Variants in ZCWPW2 observed in about 807,000 individuals in gnomAD.
The protein encoded by ZCWPW2 is zinc finger CW-type and PWWP domain containing 2.
In ZCWPW2, 45 loss-of-function variants were observed where a neutral mutation model predicts 46.6. The observed-to-expected ratio is 0.96, with a 90% CI of 0.76 to 1.24. The LOEUF is 1.24. Ranked by LOEUF, ZCWPW2 falls within the 50% of genes most tolerant of loss-of-function variation. ZCWPW2 has a pLI of 0.00. For synonymous variants in ZCWPW2, 152 were observed against 137.1 expected, an observed-to-expected ratio of 1.11 and a Z score of -0.76; for missense variants, 429 against 403.9, an observed-to-expected ratio of 1.06 and a Z score of -0.53.
chr3:28,455,366 C>CAT (rs1360662663), intron 4 of ZCWPW2, among the ~76,000 whole-genome samples: 20 of 152,204 alleles, frequency 1.3e-4, no homozygotes, highest in African/African-American at 4.8e-4. Context: ...TTTAAGTTCT[C>CAT]ATAGATGGTG....
rs183951937 is a variant in ZCWPW2, at chr3:28,403,171, C to A, written c.-13-9885C>A. Reference sequence around the variant, plus strand: ...ACCCTAAAGACTTCTCCAGAAAGTTCCTAGAACTGATAAAATAACTCAGCT... The same window carrying A: ...ACCCTAAAGACTTCTCCAGAAAGTTACTAGAACTGATAAAATAACTCAGCT... On this transcript the variant is annotated intron_variant, in intron 2 of 9. Coordinates refer to ENST00000383768, the MANE Select transcript of ZCWPW2 (RefSeq NM_001040432.4). Among the ~76,000 whole-genome samples, 4 of 152,192 alleles carry A rather than the reference C, an allele frequency of 2.6e-5. No homozygotes were observed. The East Asian group carries it at 7.7e-4, about 29-fold the overall frequency.
At chr3:28,412,076 A>G (rs1038081998) in intron 2 of ZCWPW2, among the ~76,000 whole-genome samples, 22 of 152,046 alleles carry the variant, frequency 1.4e-4, no homozygotes, top group Non-Finnish European at 1.0e-4. Context: ...TTCTAAATAT[A>G]TGATTAACTT....
At position 28,472,634 on chromosome 3, in the gene ZCWPW2, G is replaced by C. The variant is rs185729884; in HGVS notation, c.493-6180G>C. 2.6e-5 allele frequency among the ~76,000 whole-genome samples: 4 copies of C among 152,122 alleles called. No individual in the cohort carries two copies. The East Asian group carries it at 7.7e-4, about 29-fold the overall frequency. ...ATGAAACTACTACAAGAAAACTTTG[G>C]GGAAACTCACCAGGACATCAGTCTT... On this transcript the variant is annotated intron_variant, in intron 4 of 9. Coordinates refer to ENST00000383768, the MANE Select transcript of ZCWPW2 (RefSeq NM_001040432.4).
intron 1 of ZCWPW2, among the ~76,000 whole-genome samples, chr3:28,369,452 C>T (rs528131824): frequency 2.6e-5 from 4 of 152,272 alleles, no homozygotes; most frequent in Admixed American, 6.5e-5. Context: ...GTATCAGCAG[C>T]GGAGGCTGCA....
rs1416845125 is a variant in ZCWPW2, at chr3:28,429,682, C to T, written c.333-5428C>T. Among the ~76,000 whole-genome samples the T allele has an allele frequency of 3.3e-5, 5 of 152,238 alleles. No homozygotes were observed. The East Asian group carries it at 9.7e-4, about 30-fold the overall frequency. ...GCCCTTCACTTCACAGGCCCACAGGCCTAGGAGGAAATAATGGTTTCACGG... is the reference window on the plus strand; with the variant it reads ...GCCCTTCACTTCACAGGCCCACAGGTCTAGGAGGAAATAATGGTTTCACGG... On this transcript the variant is annotated intron_variant, in intron 3 of 9. Coordinates refer to ENST00000383768, the MANE Select transcript of ZCWPW2 (RefSeq NM_001040432.4).
chr3:28,360,609 A>G (rs1219813137), intron 1 of ZCWPW2, among the ~76,000 whole-genome samples: 1 of 152,094 alleles, frequency 6.6e-6, no homozygotes, highest in Non-Finnish European at 1.5e-5. Context: ...CCAAGGGGCA[A>G]ATCTAAAAGT....
In ZCWPW2 at chr3:28,451,903, C is replaced by T. The variant is rs148516216; in HGVS notation, c.492+16634C>T. Among the ~76,000 whole-genome samples the T allele has an allele frequency of 1.6e-3, 244 of 152,270 alleles. 3 individuals carry two copies. Among genetic ancestry groups the T allele is most frequent in the Non-Finnish European group, 2.1e-4 (14 of 68,022 alleles). On this transcript the variant is annotated intron_variant, in intron 4 of 9. Transcript: ENST00000383768. ...GTTCCTACTATCAAATAATCTTGTA[C>T]AGCTACCAAATTCTCAGCAAAATTT...
At chr3:28,368,979 G>T (rs1256178638) in intron 1 of ZCWPW2, among the ~76,000 whole-genome samples, 2 of 152,064 alleles carry the variant, frequency 1.3e-5, no homozygotes, top group East Asian at 1.9e-4. Flanking sequence ...CATTCATCAC[G>T]TAGTTCTCGT....
chr3:28,446,185 A>T (rs1038806308), intron 4 of ZCWPW2, among the ~76,000 whole-genome samples: 4 of 152,108 alleles, frequency 2.6e-5, no homozygotes, highest in African/African-American at 9.7e-5. Flanking sequence ...TTTAACAGGC[A>T]TGTACAAAAC....
rs548597366 is a variant in ZCWPW2, at chr3:28,442,914, T to A, written c.492+7645T>A. Among the ~76,000 whole-genome samples, 7 of 152,316 alleles carry A rather than the reference T, an allele frequency of 4.6e-5. No individual in the cohort carries two copies. The South Asian group carries it at 1.0e-3, about 23-fold the overall frequency. On this transcript the variant is annotated intron_variant, in intron 4 of 9. Transcript: ENST00000383768. The stretch of plus-strand genomic sequence containing the variant: ...ATGTGATATTGTTTTTCATTTACTA[T>A]TTCTCTAGGTAGAGGCAGCTCTAAT...
chr3:28,453,303 C>CT (rs1201808491), intron 4 of ZCWPW2, among the ~76,000 whole-genome samples: 33 of 152,314 alleles, frequency 2.2e-4, no homozygotes, highest in Admixed American at 2.2e-3. Context: ...GAATTCACCT[C>CT]TATCATCTCT....
chr3:28,352,008 C>T (rs1395997723), intron 1 of ZCWPW2, among the ~76,000 whole-genome samples: 1 of 151,942 alleles, frequency 6.6e-6, no homozygotes, highest in African/African-American at 2.4e-5. Context: ...AGAATACTAC[C>T]CAAAATAAAA....
At chr3:28,435,943 AT>A (rs1279334335) in intron 4 of ZCWPW2, among the ~76,000 whole-genome samples, 3 of 152,322 alleles carry the variant, frequency 2.0e-5, no homozygotes, top group African/African-American at 4.8e-5. Context: ...GGAAAACTTA[AT>A]TATGGATTGC....
rs550677716 is a variant in ZCWPW2 at position 28,376,520 on chromosome 3, T to C, written c.-133-13978T>C. Among the ~76,000 whole-genome samples the C allele has an allele frequency of 4.6e-5, 7 of 152,238 alleles. No individual in the cohort carries two copies. In the South Asian group the frequency reaches 1.4e-3, roughly 32 times the overall value. ...TCGCGGTTTGTCTCTGTACTCAATT[T>C]TCCTAGCACACTATGTCTGGCAGAT... On this transcript the variant is annotated intron_variant, in intron 1 of 9. Coordinates refer to ENST00000383768, the MANE Select transcript of ZCWPW2 (RefSeq NM_001040432.4).
intron 2 of ZCWPW2, among the ~76,000 whole-genome samples, chr3:28,398,764 G>A (rs570017280): frequency 7.2e-5 from 11 of 152,286 alleles, no homozygotes; most frequent in Non-Finnish European, 1.2e-4. Context: ...CAGGGGTAGC[G>A]GAAGCAGCAG....
intron 1 of ZCWPW2, among the ~76,000 whole-genome samples, chr3:28,349,718 G>A (rs1487445209): frequency 6.6e-6 from 1 of 152,066 alleles, no homozygotes; most frequent in African/African-American, 2.4e-5. Flanking sequence ...GGTATTATTG[G>A]TTAAATAAAC....
rs1011528951 is a variant in ZCWPW2 at position 28,526,165 on chromosome 3, A to G, written c.*1477A>G. Among the ~76,000 whole-genome samples, 3 of 152,184 alleles carry G rather than the reference A, an allele frequency of 2.0e-5. No homozygotes were observed. Among genetic ancestry groups the G allele is most frequent in the Non-Finnish European group, 4.4e-5 (3 of 68,024 alleles). ...TTTTGTGAAAGTGGTTTGTAAATCA[A>G]TTTGATCTTCTGTTTACTCTTTGCA... On this transcript the variant is annotated 3_prime_UTR_variant, in exon 10 of 10. Coordinates refer to ENST00000383768, the MANE Select transcript of ZCWPW2 (RefSeq NM_001040432.4).
intron 2 of ZCWPW2, among the ~76,000 whole-genome samples, chr3:28,400,835 C>G: frequency 6.6e-6 from 1 of 152,170 alleles, no homozygotes; most frequent in East Asian, 1.9e-4. Context: ...AAAACAAAAC[C>G]TCTTTAAAGC....
chr3:28,518,586 G>T (rs760062268), intron 8 of ZCWPW2, among the ~76,000 whole-genome samples: 1 of 152,120 alleles, frequency 6.6e-6, no homozygotes, highest in African/African-American at 2.4e-5. Context: ...GTCTAATTTT[G>T]ATCAAAAGGC....
Sources: allele counts gnomAD v4.1 joint callset (sites outside exome capture counted in the v4.1 genomes callset), GRCh38; gene constraint gnomAD v4.1.1; transcripts MANE v1.5; gene names NCBI Gene and HGNC (gene_info 2026-07-23, HGNC 2026-07-21).